TAB3: variants seen among roughly 807,000 people sequenced by gnomAD.
The protein encoded by TAB3 is TGF-beta activated kinase 1 (MAP3K7) binding protein 3, also known as TGF-beta-activated kinase 1 and MAP3K7-binding protein 3.
Under a neutral mutation model 48.1 loss-of-function variants are expected in TAB3, and 18 were observed. That is an observed-to-expected ratio of 0.37 (90% CI 0.26 to 0.55). The LOEUF (loss-of-function observed/expected upper bound fraction) is 0.55, where lower values mean the gene tolerates loss of function less well. Among genes scored for constraint, TAB3 ranks in the 20% least tolerant of loss-of-function variants. The probability of loss-of-function intolerance (pLI) is 0.78; values close to 1 mark genes in which losing one functional copy is unlikely to be tolerated. For missense variants in TAB3, 414 were observed against 549.8 expected, an observed-to-expected ratio of 0.75 and a Z score of 2.47; for synonymous variants, 185 against 190.2, an observed-to-expected ratio of 0.97 and a Z score of 0.22.
At chrX:30,843,292 T>C (rs759372943) in intron 8 of TAB3, 1 of 222,710 alleles carries the variant, frequency 4.5e-6, no homozygotes, top group South Asian at 1.9e-4. Flanking sequence ...GGAATATTTT[T>C]CTAATTGTAA....
intron 1 of TAB3, among the ~76,000 whole-genome samples, chrX:30,887,324 T>C (rs1940160850): frequency 8.9e-6 from 1 of 111,971 alleles, no homozygotes; most frequent in South Asian, 3.7e-4. Context: ...AGCAGACTTC[T>C]AGCTCAAATG....
chrX:30,838,559 T>C (rs1015156361), intron 9 of TAB3, among the ~76,000 whole-genome samples: 9 of 112,378 alleles, frequency 8.0e-5, no homozygotes, highest in Non-Finnish European at 1.7e-4. Flanking sequence ...AAAAATGCAC[T>C]ACCACCTAAT....
chrX:30,843,631 G>A (rs1938526513), intron 8 of TAB3: 1 of 111,940 alleles, frequency 8.9e-6, no homozygotes, highest in Non-Finnish European at 1.9e-5. Flanking sequence ...AAGAAAAGGA[G>A]AATCTTACAC....
At chrX:30,856,259 G>A (rs1051222397) in intron 5 of TAB3, among the ~76,000 whole-genome samples, 9 of 111,845 alleles carry the variant, frequency 8.0e-5, no homozygotes, top group Non-Finnish European at 1.1e-4. Context: ...ACCTGGTGTC[G>A]ACTGCCTTAA....
At chrX:30,885,842 C>G (rs1940115585) in intron 1 of TAB3, among the ~76,000 whole-genome samples, 1 of 111,662 alleles carries the variant, frequency 9.0e-6, no homozygotes, top group Admixed American at 9.5e-5. Context: ...ATCTTATCCG[C>G]ATCCCTCTTG....
Position 30,827,568 on chromosome X carries a change from C to T in TAB3, c.*3859G>A, listed in dbSNP as rs1937927424. ...GTACAATTTCATCTCAAAATGATTT[C>T]ATTCACAGCATACACAGAAATCTAA... On this transcript the variant is annotated 3_prime_UTR_variant, in exon 11 of 11. Transcript: ENST00000288422. 1 of 112,586 alleles carries T rather than the reference C, an allele frequency of 8.9e-6. No individual in the cohort carries two copies. The highest frequency in any genetic ancestry group is 3.2e-5 in the African/African-American group (1 of 30,952). 9.3% of individuals were successfully genotyped at this position (112,586 alleles called of 1,213,427 possible). A position where few individuals can be genotyped will look rare whatever the true frequency, so the allele number is the denominator to read the frequency against.
chrX:30,870,639 T>G (rs1296173161), intron 2 of TAB3, among the ~76,000 whole-genome samples: 1 of 112,455 alleles, frequency 8.9e-6, no homozygotes, highest in African/African-American at 3.2e-5. Context: ...ACAATAGAAT[T>G]ATAAAGCTGG....
chrX:30,846,476 C>T, intron 8 of TAB3, 75 bp downstream of exon 8: 1 of 765,010 alleles, frequency 1.3e-6, no homozygotes, highest in African/African-American at 2.1e-5. Flanking sequence ...ATCTACAAAA[C>T]CAAAGTTATT....
intron 8 of TAB3, chrX:30,845,647 G>A (rs1468775215): frequency 8.6e-6 from 1 of 115,990 alleles, no homozygotes; most frequent in African/African-American, 3.2e-5. Context: ...AATTTTGATT[G>A]CTTTAGAATG....
In TAB3 at chrX:30,828,793, G is replaced by A. The variant is rs1005567369; in HGVS notation, c.*2634C>T. The A allele has an allele frequency of 8.9e-6, 1 of 111,808 alleles. No individual in the cohort carries two copies. The highest frequency in any genetic ancestry group is 1.9e-5 in the Non-Finnish European group (1 of 53,177). 9.2% of individuals were successfully genotyped at this position (111,808 alleles called of 1,213,427 possible). A position where few individuals can be genotyped will look rare whatever the true frequency, so the allele number is the denominator to read the frequency against. ...GCACCTCAGCAGCCAGGCGTCATCCGATTTATATCCTACCACTTCCATGCC... is the reference window on the plus strand; with the variant it reads ...GCACCTCAGCAGCCAGGCGTCATCCAATTTATATCCTACCACTTCCATGCC... On this transcript the variant is annotated 3_prime_UTR_variant, in exon 11 of 11. Transcript: ENST00000288422.
chrX:30,845,855 C>T, intron 8 of TAB3: 1 of 486,032 alleles, frequency 2.1e-6, no homozygotes, highest in Non-Finnish European at 2.7e-6. Flanking sequence ...CAATAACTGG[C>T]ATAAACAGGT....
At chrX:30,873,262 G>A (rs1319169883) in intron 1 of TAB3, among the ~76,000 whole-genome samples, 1 of 111,672 alleles carries the variant, frequency 9.0e-6, no homozygotes, top group East Asian at 2.8e-4. Flanking sequence ...TTACGGCCGG[G>A]CGCGGTGGCT....
chrX:30,842,455 T>C (rs934498405), intron 9 of TAB3, among the ~76,000 whole-genome samples: 2 of 112,295 alleles, frequency 1.8e-5, no homozygotes, highest in Non-Finnish European at 3.8e-5. Context: ...ATGTTAACTA[T>C]GTAATATAGT....
intron 5 of TAB3, among the ~76,000 whole-genome samples, chrX:30,856,812 G>A (rs1277224606): frequency 9.0e-6 from 1 of 111,343 alleles, no homozygotes; most frequent in Admixed American, 9.6e-5. Flanking sequence ...TTACAGATGA[G>A]GAAAAAGATG....
intron 5 of TAB3, among the ~76,000 whole-genome samples, chrX:30,858,293 A>G (rs1372539118): frequency 8.9e-6 from 1 of 111,846 alleles, no homozygotes; most frequent in Admixed American, 9.5e-5. Flanking sequence ...GAAGTGGTTT[A>G]AACTAAAAGC....
chrX:30,869,482 G>A (rs933898708), intron 2 of TAB3, among the ~76,000 whole-genome samples: 9 of 112,283 alleles, frequency 8.0e-5, no homozygotes, highest in African/African-American at 2.9e-4. Flanking sequence ...TCAGCACTTA[G>A]TATATTAACT....
Position 30,829,299 on chromosome X carries a change from C to T in TAB3, c.*2128G>A, listed in dbSNP as rs1937961373. ...TGCTACTTTCATTCTCAACTGACAA[C>T]TGCCAAGTTAATTGCCTCCACTTCA... On this transcript the variant is annotated 3_prime_UTR_variant, in exon 11 of 11. Transcript: ENST00000288422. 1 of 112,408 alleles carries T rather than the reference C, an allele frequency of 8.9e-6. No homozygotes were observed. Among genetic ancestry groups the T allele is most frequent in the Non-Finnish European group, 1.9e-5 (1 of 53,267 alleles). The allele number at this position is 112,408 out of a possible 1,213,427, so 9.3% of individuals were successfully genotyped here.
At chrX:30,880,203 G>C (rs1380597476) in intron 1 of TAB3, among the ~76,000 whole-genome samples, 1 of 111,761 alleles carries the variant, frequency 8.9e-6, no homozygotes, top group Non-Finnish European at 1.9e-5. Flanking sequence ...TCAAAGAAAT[G>C]TGCAAAGGGC....
At chrX:30,886,489 C>T (rs1222170428) in intron 1 of TAB3, among the ~76,000 whole-genome samples, 1 of 111,863 alleles carries the variant, frequency 8.9e-6, no homozygotes, top group African/African-American at 3.3e-5. Context: ...CAAGGGATTA[C>T]TTAAAACAGT....
Sources: allele counts gnomAD v4.1 joint callset (sites outside exome capture counted in the v4.1 genomes callset), GRCh38; gene constraint gnomAD v4.1.1; transcripts MANE v1.5; gene names NCBI Gene and HGNC (gene_info 2026-07-23, HGNC 2026-07-21).